The following TNK2 variants were observed in gnomAD, a reference collection of about 807,000 sequenced individuals.
TNK2 encodes activated CDC42 kinase 1.
Under a neutral mutation model 101.8 loss-of-function variants are expected in TNK2, and 83 were observed. The observed-to-expected ratio is 0.82, with a 90% confidence interval of 0.68 to 0.98. The LOEUF (loss-of-function observed/expected upper bound fraction) is 0.98, where lower values mean the gene tolerates loss of function less well. TNK2 is among the 50% of genes least tolerant of loss of function. TNK2 has a pLI of 0.00. For synonymous variants in TNK2, 804 were observed against 633.0 expected (o/e 1.27, Z -4.06); for missense variants, 1,665 against 1,483.2 (o/e 1.12, Z -2.01).
chr3:195,876,826 C>T (rs894193684), intron 9 of TNK2: 5 of 359,416 alleles, frequency 1.4e-5, no homozygotes, highest in African/African-American at 2.1e-5. Flanking sequence ...CCGCCTTGCC[C>T]GGGCGGTGAC....
Position 195,864,008 on chromosome 3 carries a change from G to C in TNK2, c.*173C>G. The C allele has an allele frequency of 2.5e-6, 2 of 784,914 alleles. No individual in the cohort carries two copies. The highest frequency in any genetic ancestry group is 4.2e-6 in the Non-Finnish European group (2 of 477,010). The allele number at this position is 784,914 out of a possible 1,614,324, so 48.6% of individuals were successfully genotyped here. On this transcript the variant is annotated 3_prime_UTR_variant, in exon 16 of 16. Transcript: ENST00000672887. ...GTGCAGGGACAGCGCTGGTGCAGGAGGGATGGGCAGGGCAGGGCTCCCAGC... is the reference window on the plus strand; with the variant it reads ...GTGCAGGGACAGCGCTGGTGCAGGACGGATGGGCAGGGCAGGGCTCCCAGC...
chr3:195,901,436 T>C (rs923548856), intron 1 of TNK2, among the ~76,000 whole-genome samples: 3 of 152,114 alleles, frequency 2.0e-5, no homozygotes, highest in Non-Finnish European at 2.9e-5. Context: ...GAGTCCAATG[T>C]TGGCAGACAC....
At chr3:195,893,694 C>T (rs1309476648) in intron 1 of TNK2, among the ~76,000 whole-genome samples, 1 of 152,066 alleles carries the variant, frequency 6.6e-6, no homozygotes, top group Non-Finnish European at 1.5e-5. Context: ...CCCTCTCCAG[C>T]TCCCCAGGCA....
At chr3:195,906,716 G>C (rs1227591477) in intron 1 of TNK2, among the ~76,000 whole-genome samples, 2 of 152,188 alleles carry the variant, frequency 1.3e-5, no homozygotes, top group South Asian at 2.1e-4. Flanking sequence ...TTATTAAATT[G>C]TGTGTTTTAA....
chr3:195,870,643 G>A (rs1301865468), intron 10 of TNK2, among the ~76,000 whole-genome samples: 2 of 152,240 alleles, frequency 1.3e-5, no homozygotes, highest in East Asian at 1.9e-4. Context: ...TGCGGGAGAG[G>A]CTGGGCCACC....
intron 6 of TNK2, among the ~76,000 whole-genome samples, chr3:195,881,728 C>G (rs1577064465): frequency 7.2e-6 from 1 of 139,212 alleles, no homozygotes; most frequent in Non-Finnish European, 1.5e-5. Flanking sequence ...GACACAGGAT[C>G]TATCCCTGAA....
intron 9 of TNK2, among the ~76,000 whole-genome samples, chr3:195,873,256 G>C (rs776326698): frequency 1.3e-4 from 20 of 152,272 alleles, no homozygotes; most frequent in Admixed American, 3.3e-4. Context: ...TGTGGCCTAA[G>C]CCGGGGCCTG....
In TNK2 at chr3:195,885,200, C is replaced by G; in HGVS notation, c.235-167G>C. ...CCTGGCTGGAGGCCCACACTCCGTC[C>G]AGGGCACACCCCCAAACATGAACCC... On this transcript the variant is annotated intron_variant, in intron 3 of 15. Transcript: ENST00000672887. This position sits in a 1 kb window ranked among gnomAD's most constrained non-coding sequence, Gnocchi z 4.7. 1.0e-6 allele frequency: 1 copy of G among 994,860 alleles called. No homozygotes were observed. The allele number at this position is 994,860 out of a possible 1,614,324, so 61.6% of individuals were successfully genotyped here. A position where few individuals can be genotyped will look rare whatever the true frequency, so the allele number is the denominator to read the frequency against.
Position 195,868,026 on chromosome 3 carries a change from C to A in TNK2, c.2272G>T (p.Val758Leu). Residue 758 changes from valine (V) to leucine (L), a missense_variant, in exon 13 of 16, where the codon GTA (valine) becomes TTA (leucine). Transcript: ENST00000672887. ...CGCGTGGGCCGAGGGGGGATGGGTACCCGAGGAGGCACCTGGGGCTTGTCG... is the reference window on the plus strand; with the variant it reads ...CGCGTGGGCCGAGGGGGGATGGGTAACCGAGGAGGCACCTGGGGCTTGTCG... The part of the protein sequence containing the change: ...GDDKPQVPPR[V>L]PIPPRPTRPH... 6.9e-6 allele frequency: 11 copies of A among 1,587,302 alleles called. No individual in the cohort carries two copies. The highest frequency in any genetic ancestry group is 8.5e-6 in the Non-Finnish European group (10 of 1,172,240).
intron 1 of TNK2, among the ~76,000 whole-genome samples, chr3:195,901,397 C>G (rs1761191401): frequency 6.6e-6 from 1 of 152,132 alleles, no homozygotes; most frequent in Non-Finnish European, 1.5e-5. Context: ...TTGGCAGACA[C>G]AGTGTACAGG....
intron 15 of TNK2, among the ~76,000 whole-genome samples, chr3:195,864,924 C>T (rs3892583): frequency 0.21 from 11,482 of 54,804 alleles, 1,763 homozygotes; most frequent in Non-Finnish European, 0.24. Context: ...CCCGAGACAG[C>T]GACAGACAGG....
At chr3:195,876,586 T>C (rs1451902509) in intron 9 of TNK2, 2 of 456,354 alleles carry the variant, frequency 4.4e-6, no homozygotes, top group Non-Finnish European at 4.4e-6. Flanking sequence ...CCGGCTGTTG[T>C]GGCCTCCTGC....
intron 1 of TNK2, among the ~76,000 whole-genome samples, chr3:195,890,769 A>C (rs746953859): frequency 1.3e-5 from 2 of 152,214 alleles, no homozygotes; most frequent in Non-Finnish European, 2.9e-5. Context: ...GAATGAAACT[A>C]CTGTGTAAAC....
chr3:195,864,379 A>G (rs1277737550), intron 15 of TNK2, among the ~76,000 whole-genome samples, 192 bp from the exon 16 acceptor site: 2 of 152,030 alleles, frequency 1.3e-5, no homozygotes. Context: ...ACAGAAGAGC[A>G]CTCCTGCGTA....
At chr3:195,872,519 C>A in intron 9 of TNK2, 49 bp from the exon 10 acceptor site, 1 of 1,535,668 alleles carries the variant, frequency 6.5e-7, no homozygotes, top group Non-Finnish European at 8.8e-7. Context: ...CGGGGCAGCC[C>A]CGGCACTGGG....
intron 2 of TNK2, among the ~76,000 whole-genome samples, 170 bp from the exon 3 acceptor site, chr3:195,887,217 A>C (rs1197795190): frequency 1.3e-5 from 2 of 152,214 alleles, no homozygotes; most frequent in East Asian, 3.8e-4. Context: ...CGGTCTCTGC[A>C]CTCCACTTCC....
chr3:195,892,816 C>T, intron 1 of TNK2: 1 of 981,292 alleles, frequency 1.0e-6, no homozygotes, highest in South Asian at 3.9e-5. Flanking sequence ...TCTTGCCTGC[C>T]TCTCTCTCTC....
intron 1 of TNK2, chr3:195,892,101 C>T: frequency 2.9e-6 from 2 of 695,292 alleles, no homozygotes; most frequent in Non-Finnish European, 1.9e-6. Flanking sequence ...GTTCTTTGTG[C>T]AGCACAGGGC....
chr3:195,864,323 T>C, intron 15 of TNK2, 136 bp from the exon 16 acceptor site: 2 of 887,618 alleles, frequency 2.3e-6, no homozygotes, highest in East Asian at 2.5e-5. Context: ...AAATTTATCA[T>C]CCTGGATGTC....
Sources: allele counts gnomAD v4.1 joint callset (sites outside exome capture counted in the v4.1 genomes callset), GRCh38; gene constraint gnomAD v4.1.1; non-coding constraint Gnocchi (gnomAD v3.1); transcripts MANE v1.5; gene names NCBI Gene and HGNC (gene_info 2026-07-23, HGNC 2026-07-21).